The following ANGEL1 variants were observed in gnomAD, a reference collection of about 807,000 sequenced individuals.
The protein encoded by ANGEL1 is angel homolog 1.
A neutral mutation model predicts 76.4 loss-of-function variants in ANGEL1; 62 were observed. That is an observed-to-expected ratio of 0.81 (90% CI 0.66 to 1.00). The LOEUF (loss-of-function observed/expected upper bound fraction) is 1.00, where lower values mean the gene tolerates loss of function less well. Ranked by LOEUF, ANGEL1 falls within the 50% of genes least tolerant of loss-of-function variation. The pLI, the probability that ANGEL1 is intolerant of heterozygous loss-of-function variation, is 0.00. For synonymous variants in ANGEL1, 340 were observed against 331.7 expected (o/e 1.03, Z -0.27); for missense variants, 737 against 836.7 (o/e 0.88, Z 1.47).
chr14:76,798,336 A>C (rs1252150359), intron 7 of ANGEL1, among the ~76,000 whole-genome samples: 3 of 152,086 alleles, frequency 2.0e-5, no homozygotes, highest in Non-Finnish European at 2.9e-5. Context: ...TATGTTGCTC[A>C]GGCTGGTCTC....
intron 5 of ANGEL1, chr14:76,804,153 A>G: frequency 7.0e-7 from 1 of 1,432,780 alleles, no homozygotes; most frequent in Admixed American, 2.9e-5. Context: ...GACTGAATCA[A>G]GGGGAATCGA....
At chr14:76,806,382 G>C (rs1364206131) in intron 5 of ANGEL1, 34 bp downstream of exon 5, 1 of 1,587,312 alleles carries the variant, frequency 6.3e-7, no homozygotes, top group African/African-American at 1.3e-5. Context: ...CTTAGACCAT[G>C]TTCCCACCCA....
chr14:76,805,011 A>AT (rs1319556308), intron 5 of ANGEL1, among the ~76,000 whole-genome samples: 2 of 143,154 alleles, frequency 1.4e-5, no homozygotes, highest in Admixed American at 6.8e-5. Context: ...CTCTGTCTCA[A>AT]AAAATAAATA....
intron 7 of ANGEL1, among the ~76,000 whole-genome samples, chr14:76,796,475 C>T (rs894758397): frequency 1.3e-5 from 2 of 151,982 alleles, no homozygotes; most frequent in African/African-American, 4.8e-5. Flanking sequence ...AGGCTTATTT[C>T]GAACTCCAGG....
intron 6 of ANGEL1, 51 bp from the exon 7 acceptor site, chr14:76,803,532 G>T (rs977654752): frequency 6.4e-7 from 1 of 1,570,274 alleles, no homozygotes; most frequent in Non-Finnish European, 8.8e-7. Flanking sequence ...GAAGCCACAT[G>T]CTGAGACCTC....
intron 9 of ANGEL1, among the ~76,000 whole-genome samples, chr14:76,789,830 G>T (rs1004778555): frequency 2.9e-4 from 44 of 150,102 alleles, no homozygotes; most frequent in African/African-American, 1.1e-3. Context: ...GAGTAGCTGG[G>T]ATTATAGGTA....
intron 7 of ANGEL1, among the ~76,000 whole-genome samples, chr14:76,799,487 G>A (rs984531064): frequency 1.3e-5 from 2 of 151,522 alleles, no homozygotes; most frequent in African/African-American, 4.8e-5. Flanking sequence ...TAGAGACAGG[G>A]TTTCACCATG....
chr14:76,801,682 A>C (rs2140221941), intron 7 of ANGEL1, among the ~76,000 whole-genome samples: 1 of 151,890 alleles, frequency 6.6e-6, no homozygotes, highest in South Asian at 2.1e-4. Context: ...TGTTTTCCAC[A>C]GTTATCTATT....
At chr14:76,800,545 C>G (rs1355311510) in intron 7 of ANGEL1, among the ~76,000 whole-genome samples, 4 of 152,230 alleles carry the variant, frequency 2.6e-5, no homozygotes, top group Non-Finnish European at 4.4e-5. Context: ...GTTTTCCCAG[C>G]CATTGCCTTC....
rs1894933573 is a variant in ANGEL1, at chr14:76,806,836, G to A, written c.960C>T (p.Phe320=). The change falls in exon 5 of 10, where the codon TTC becomes TTT. Residue 320 remains phenylalanine, a synonymous_variant. Transcript: ENST00000251089. ...TTTTACACCCAGTCCTCCTCTTGTA[G>A]AAACAGGTAAAGCCTGCAAGGAAAA... ...PSLRMMGFTC[F]YKRRTGCKTD... is the part of the protein sequence containing the mutation. 6.2e-7 allele frequency: 1 copy of A among 1,613,280 alleles called. No homozygotes were observed. Among genetic ancestry groups the A allele is most frequent in the African/African-American group, 1.3e-5 (1 of 75,040 alleles).
chr14:76,795,768 C>T (rs1231384071), intron 7 of ANGEL1, among the ~76,000 whole-genome samples: 1 of 152,136 alleles, frequency 6.6e-6, no homozygotes, highest in East Asian at 1.9e-4. Context: ...TTCTTTTGCA[C>T]TTAGTTGAGC....
rs2140235577 is a variant in ANGEL1, at chr14:76,812,838, C to A, written c.-11G>T. The A allele has an allele frequency of 6.6e-7, 1 of 1,507,492 alleles. No individual in the cohort carries two copies. Among genetic ancestry groups the A allele is most frequent in the Non-Finnish European group, 8.8e-7 (1 of 1,132,064 alleles). 93.4% of individuals were successfully genotyped at this position (1,507,492 alleles called of 1,614,324 possible). The stretch of plus-strand genomic sequence containing the variant: ...GCACGACGCGATCATGGCCGGCCGC[C>A]CGCGCCCGCCTCCGCTCCTCACTGC... On this transcript the variant is annotated 5_prime_UTR_variant, in exon 1 of 10. Transcript: ENST00000251089.
At chr14:76,808,288 T>C (rs896544246) in intron 2 of ANGEL1, 140 bp from the exon 3 acceptor site, 30 of 707,104 alleles carry the variant, frequency 4.2e-5, no homozygotes, top group African/African-American at 2.9e-4. Context: ...CTGTGGGGAA[T>C]TGATTTCTAT....
Position 76,809,182 on chromosome 14 carries a change from C to G in ANGEL1, c.526G>C (p.Glu176Gln), listed in dbSNP as rs368023396. 8.0e-5 allele frequency: 129 copies of G among 1,613,846 alleles called. No homozygotes were observed. The highest frequency in any genetic ancestry group is 1.1e-4 in the Non-Finnish European group (127 of 1,179,920). ...CTCCAGGCCAACACCGCTGGGTCCT[C>G]TTCCCACTGCTCTGTGGCCAGGGCA... ...VGALATEQWE[E>Q]DPAVLAWSIA... Residue 176 changes from glutamate (E) to glutamine (Q), a missense_variant, in exon 2 of 10, where the codon GAG becomes CAG. By Grantham distance (29) the Glu-to-Gln change is conservative. Transcript: ENST00000251089.
In ANGEL1 at chr14:76,786,493, G is replaced by A. The variant is rs1276561462; in HGVS notation, c.*2735C>T. The stretch of plus-strand genomic sequence containing the variant: ...TTTTCTTTTTACTAAATCAATTGAG[G>A]GGATCGCAACCCAGGTAGTGCAATG... On this transcript the variant is annotated 3_prime_UTR_variant, in exon 10 of 10. Coordinates refer to ENST00000251089, the MANE Select transcript of ANGEL1 (RefSeq NM_015305.4). 1 of 152,158 alleles carries A rather than the reference G, an allele frequency of 6.6e-6. No homozygotes were observed. The highest frequency in any genetic ancestry group is 1.9e-4 in the East Asian group (1 of 5,190). The allele number at this position is 152,158 out of a possible 1,614,324, so 9.4% of individuals were successfully genotyped here.
Position 76,806,709 on chromosome 14 carries a change from T to C in ANGEL1, c.1087A>G (p.Asn363Asp). 1 of 1,613,000 alleles carries C rather than the reference T, an allele frequency of 6.2e-7. No individual in the cohort carries two copies. The highest frequency in any genetic ancestry group is 1.1e-5 in the South Asian group (1 of 91,064). ...RPGLELLNRD[N>D]VGLVLLLQPL... ...TGCAGTAGCAACACTAAGCCCACAT[T>C]ATCCCGATTAAGTAGCTCCAAGCCA... Residue 363 changes from asparagine (N) to aspartate (D), a missense_variant, in exon 5 of 10, where the codon AAT becomes GAT. Physicochemically the swap from Asn to Asp is conservative, Grantham distance 23. Around this residue, in one of 2 missense-constraint regions of ANGEL1, gnomAD observed 441 missense variants for 449.5 expected, o/e 0.98. Transcript: ENST00000251089.
At chr14:76,795,015 C>T (rs886494530) in intron 7 of ANGEL1, among the ~76,000 whole-genome samples, 2 of 152,098 alleles carry the variant, frequency 1.3e-5, no homozygotes, top group African/African-American at 4.8e-5. Flanking sequence ...ATTCTGTTGG[C>T]TGGTATCTCC....
chr14:76,810,989 T>C (rs1895066497), intron 1 of ANGEL1, among the ~76,000 whole-genome samples: 1 of 152,216 alleles, frequency 6.6e-6, no homozygotes, highest in Non-Finnish European at 1.5e-5. Flanking sequence ...GGCTCAAATA[T>C]TGAAAGACGG....
At chr14:76,801,112 CTTT>C (rs561312929) in intron 7 of ANGEL1, among the ~76,000 whole-genome samples, 4 of 142,486 alleles carry the variant, frequency 2.8e-5, no homozygotes, top group Non-Finnish European at 3.1e-5. Context: ...TCTCCTACAT[CTTT>C]TTTTTTTTTT....
Sources: allele counts gnomAD v4.1 joint callset (sites outside exome capture counted in the v4.1 genomes callset), GRCh38; gene constraint gnomAD v4.1.1; regional missense constraint gnomAD v4.1.1; transcripts MANE v1.5; gene names NCBI Gene and HGNC (gene_info 2026-07-23, HGNC 2026-07-21).